Variants in PGS1 observed in about 807,000 individuals in gnomAD.
PGS1 encodes CDP-diacylglycerol--glycerol-3-phosphate 3-phosphatidyltransferase, mitochondrial.
Under a neutral mutation model 58.3 loss-of-function variants are expected in PGS1, and 44 were observed. That is an observed-to-expected ratio of 0.75 (90% CI 0.59 to 0.97). The LOEUF (loss-of-function observed/expected upper bound fraction) is 0.97. Among genes scored for constraint, PGS1 ranks in the 50% least tolerant of loss-of-function variants. The pLI is 0.00. For missense variants in PGS1, 684 were observed against 731.1 expected (o/e 0.94, Z 0.74); for synonymous variants, 330 against 311.0 (o/e 1.06, Z -0.64).
At chr17:78,405,284 C>G (rs1213599703) in intron 7 of PGS1, among the ~76,000 whole-genome samples, 2 of 152,246 alleles carry the variant, frequency 1.3e-5, no homozygotes, top group Non-Finnish European at 2.9e-5. Context: ...GCGTGAGCCA[C>G]TGCGCCCGGC....
chr17:78,424,096 G>T lies in PGS1; in HGVS notation c.*46G>T. The T allele has an allele frequency of 6.2e-7, 1 of 1,613,918 alleles. No individual in the cohort carries two copies. The highest frequency in any genetic ancestry group is 8.5e-7 in the Non-Finnish European group (1 of 1,179,886). The stretch of plus-strand genomic sequence containing the variant: ...GATGAAGATGACAGGCATGGCCGGG[G>T]TCAGCTCTTTCAGCCGCGCTTCAGC... On this transcript the variant is annotated 3_prime_UTR_variant, in exon 10 of 10. Coordinates refer to ENST00000262764, the MANE Select transcript of PGS1 (RefSeq NM_024419.5).
chr17:78,421,092 CTTTA>C (rs2085690850), intron 9 of PGS1: 3 of 152,170 alleles, frequency 2.0e-5, no homozygotes, highest in African/African-American at 4.8e-5. Flanking sequence ...GAAGAATGAA[CTTTA>C]TTTTTATTGG....
Position 78,396,382 on chromosome 17 carries a change from G to A in PGS1, c.408G>A (p.Glu136=). The stretch of plus-strand genomic sequence containing the variant: ...TGGGGACAGGTCCTTTGGAACAGGA[G>A]CTGGTAAGGTTTATGGGGAGATGGT... ...LYLGTGPLEQ[E]LVDCLESTLE... The change falls in exon 3 of 10, where the codon GAG becomes GAA. Residue 136 remains glutamate (E), a synonymous_variant. Transcript: ENST00000262764. 4 of 1,609,738 alleles carry A rather than the reference G, an allele frequency of 2.5e-6. No individual in the cohort carries two copies. The East Asian group carries it at 8.9e-5, about 36-fold the overall frequency.
At chr17:78,396,231 C>G in intron 2 of PGS1, 77 bp from the exon 3 acceptor site, 3 of 1,106,460 alleles carry the variant, frequency 2.7e-6, no homozygotes, top group Non-Finnish European at 2.8e-6. Flanking sequence ...GATTTGCCTC[C>G]CAGGTCAAAG....
chr17:78,392,638 C>A lies in PGS1; in HGVS notation c.306C>A (p.Ser102=), dbSNP rs771223000. ...GTTCTCACGTTAGGGTGCTTTCTTC[C>A]CCGGCAGAGTTTTTCGAGCTCATGA... ...VSSSHVRVLS[S]PAEFFELMKG... is the part of the protein sequence containing the mutation. The change falls in exon 2 of 10, where the codon TCC becomes TCA. Residue 102 remains serine, a synonymous_variant. Transcript: ENST00000262764. The A allele has an allele frequency of 6.2e-7, 1 of 1,613,922 alleles. No individual in the cohort carries two copies. The highest frequency in any genetic ancestry group is 2.2e-5 in the East Asian group (1 of 44,874).
In PGS1 at chr17:78,403,764, C is replaced by T. The variant is rs1302592774; in HGVS notation, c.1077C>T (p.Pro359=). Residue 359 remains proline, a synonymous_variant, in exon 7 of 10, where the codon CCC becomes CCT. Transcript: ENST00000262764. The part of the protein sequence containing the change: ...TWIYPLIQMK[P]FEIQIDEIVT... ...TTTATCCGCTGATTCAGATGAAGCC[C>T]TTCGAGATTCAAATCGATGAGATTG... 3 of 1,614,220 alleles carry T rather than the reference C, an allele frequency of 1.9e-6. No individual in the cohort carries two copies. Among genetic ancestry groups the T allele is most frequent in the South Asian group, 2.2e-5 (2 of 91,082 alleles).
intron 9 of PGS1, chr17:78,419,957 C>T (rs1048034819): frequency 4.2e-6 from 5 of 1,194,752 alleles, no homozygotes; most frequent in Non-Finnish European, 4.2e-6. Flanking sequence ...TTCTGCTCTC[C>T]CTTCCCAGGG....
rs536133647 is a variant in PGS1 at position 78,415,047 on chromosome 17, A to C, written c.1551+20A>C. 1 of 1,603,416 alleles carries C rather than the reference A, an allele frequency of 6.2e-7. No individual in the cohort carries two copies. The highest frequency in any genetic ancestry group is 1.1e-5 in the South Asian group (1 of 90,452). ...CACCAGGTTGGTCGCAGCAAGTGGG[A>C]TTTCCCAGGGCGCTGAGGGTGTGGC... On this transcript the variant is annotated intron_variant, in intron 8 of 9. Transcript: ENST00000262764.
intron 1 of PGS1, among the ~76,000 whole-genome samples, chr17:78,392,074 G>T (rs1369130468): frequency 6.6e-6 from 1 of 152,226 alleles, no homozygotes; most frequent in Non-Finnish European, 1.5e-5. Flanking sequence ...TCTTTTAGTG[G>T]TGGCTGCAGG....
chr17:78,406,917 G>A (rs1419660582), intron 7 of PGS1, among the ~76,000 whole-genome samples: 1 of 152,238 alleles, frequency 6.6e-6, no homozygotes, highest in Non-Finnish European at 1.5e-5. Flanking sequence ...TCTGCCACGG[G>A]TTATTTCCCT....
At chr17:78,422,424 TAAACTTGGAA>T (rs2085911091) in intron 9 of PGS1, among the ~76,000 whole-genome samples, 1 of 128,762 alleles carries the variant, frequency 7.8e-6, no homozygotes, top group Non-Finnish European at 1.8e-5. Context: ...TTTAGGTGAG[TAAACTTGGAA>T]AAATGTTTTT....
intron 9 of PGS1, chr17:78,420,912 CCAGTGTCACT>C (rs981467505): frequency 3.9e-5 from 6 of 152,160 alleles, no homozygotes; most frequent in African/African-American, 1.4e-4. Context: ...CAAAACAGCA[CCAGTGTCACT>C]CCTGAAACAA....
chr17:78,405,030 C>T, intron 7 of PGS1, among the ~76,000 whole-genome samples: 1 of 150,158 alleles, frequency 6.7e-6, no homozygotes, highest in Non-Finnish European at 1.5e-5. Flanking sequence ...CAGAGTCTTG[C>T]TCTGTTGCCC....
chr17:78,424,132 G>C lies in PGS1; in HGVS notation c.*82G>C, dbSNP rs1289270601. On this transcript the variant is annotated 3_prime_UTR_variant, in exon 10 of 10. Transcript: ENST00000262764. ...CAGCCGCGCTTCAGCGATGACTCCA[G>C]TCTGGGTGTCCCAGCGAGCCCCTGC... is the stretch of plus-strand genomic sequence containing the variant. 6.2e-7 allele frequency: 1 copy of C among 1,612,452 alleles called. No individual in the cohort carries two copies. Among genetic ancestry groups the C allele is most frequent in the African/African-American group, 1.3e-5 (1 of 74,934 alleles).
intron 7 of PGS1, among the ~76,000 whole-genome samples, chr17:78,412,840 A>G (rs948844999): frequency 1.3e-5 from 2 of 152,210 alleles, no homozygotes; most frequent in African/African-American, 4.8e-5. Context: ...TGTCATCAGA[A>G]AAGTTGGAAT....
chr17:78,422,995 T>TGAGGCAGGGAGGG (rs2086030320), intron 9 of PGS1, among the ~76,000 whole-genome samples: 1 of 151,508 alleles, frequency 6.6e-6, no homozygotes, highest in Non-Finnish European at 1.5e-5. Flanking sequence ...ACTTGGGAGG[T>TGAGGCAGGGAGGG]TGAGGCAGGA....
At position 78,380,627 on chromosome 17, in the gene PGS1, A is replaced by C. The variant is rs188926479; in HGVS notation, c.143+1819A>C. ...AGATGACTTCTACGTCCTGGCATCA[A>C]ACCACTGAGATTTGGTTTACAGTTT... On this transcript the variant is annotated intron_variant, in intron 1 of 9. Transcript: ENST00000262764. 1.4e-3 allele frequency among the ~76,000 whole-genome samples: 216 copies of C among 152,306 alleles called. 2 individuals carry two copies. The highest frequency in any genetic ancestry group is 4.8e-3 in the African/African-American group (200 of 41,540).
At chr17:78,395,179 A>G (rs1281356702) in intron 2 of PGS1, among the ~76,000 whole-genome samples, 1 of 152,204 alleles carries the variant, frequency 6.6e-6, no homozygotes, top group African/African-American at 2.4e-5. Flanking sequence ...TCTTCATTAT[A>G]GCTGTGGGGC....
chr17:78,403,245 A>G (rs907266340), intron 6 of PGS1, among the ~76,000 whole-genome samples: 8 of 150,690 alleles, frequency 5.3e-5, no homozygotes, highest in African/African-American at 2.0e-4. Context: ...AATTATCCCA[A>G]AGGTAACCAC....
Sources: gnomAD v4.1 joint callset for allele counts (sites outside exome capture counted in the v4.1 genomes callset) on GRCh38, gnomAD v4.1.1 for gene constraint, MANE v1.5 for transcripts, NCBI Gene and HGNC (gene_info 2026-07-23, HGNC 2026-07-21) for gene names.